Variants in DDX41 observed in about 807,000 individuals in gnomAD.
DDX41 encodes the protein DEAD-box helicase 41.
Under a neutral mutation model 78.8 loss-of-function variants are expected in DDX41, and 50 were observed. That is an observed-to-expected ratio of 0.63 (90% CI 0.51 to 0.80). DDX41 has a LOEUF of 0.80. DDX41 is among the 30% of genes least tolerant of loss of function. DDX41 has a pLI of 0.00. For missense variants in DDX41, 633 were observed against 849.2 expected, an observed-to-expected ratio of 0.75 and a Z score of 3.16; for synonymous variants, 381 against 321.5, an observed-to-expected ratio of 1.19 and a Z score of -1.98.
Position 177,515,190 on chromosome 5 carries a change from T to C in DDX41, c.640A>G (p.Thr214Ala), listed in dbSNP as rs1466709476. The C allele has an allele frequency of 1.9e-6, 3 of 1,613,838 alleles. No homozygotes were observed. Among genetic ancestry groups the C allele is most frequent in the Non-Finnish European group, 2.5e-6 (3 of 1,180,030 alleles). Residue 214 changes from threonine (T) to alanine (A), a missense_variant, in exon 7 of 17, where the codon ACC becomes GCC. Coordinates refer to ENST00000330503, the MANE Select transcript of DDX41 (RefSeq NM_016222.4). ...AGGTCCACAGTCCACACTCACATGG[T>C]GGGGATGCCCTGGATCTGAATGGGT... ...PTPIQIQGIP[T>A]ILSGRDMIGI...
Position 177,511,596 on chromosome 5 carries a change from T to C in DDX41, c.*195A>G. On this transcript the variant is annotated 3_prime_UTR_variant, in exon 17 of 17. Coordinates refer to ENST00000330503, the MANE Select transcript of DDX41 (RefSeq NM_016222.4). The stretch of plus-strand genomic sequence containing the variant: ...CAGGGCTGGGCTAGAGGTTTGGGCT[T>C]TAATGGCAGCTGGGGTAAAAGGAAA... The C allele has an allele frequency of 1.3e-6, 1 of 744,284 alleles. No individual in the cohort carries two copies. 46.1% of individuals were successfully genotyped at this position (744,284 alleles called of 1,614,324 possible).
In DDX41 at chr5:177,514,298, C is replaced by T. The variant is rs868162104; in HGVS notation, c.935+403G>A. 5.4e-5 allele frequency: 26 copies of T among 485,664 alleles called. 2 individuals are homozygous for T. The Middle Eastern group carries it at 6.2e-3, about 115-fold the overall frequency. The allele number at this position is 485,664 out of a possible 1,614,324, so 30.1% of individuals were successfully genotyped here. A position where few individuals can be genotyped will look rare whatever the true frequency, so the allele number is the denominator to read the frequency against. ...AGAGGACTGCACAGCACTGAAAGGACACAGGTGCCGCTGGGATCCAGCCCT... is the reference window on the plus strand; with the variant it reads ...AGAGGACTGCACAGCACTGAAAGGATACAGGTGCCGCTGGGATCCAGCCCT... On this transcript the variant is annotated intron_variant, in intron 9 of 16. Transcript: ENST00000330503. The surrounding 1 kb of genome is among the most constrained non-coding windows in gnomAD (Gnocchi z 4.2).
chr5:177,515,862 G>C, intron 5 of DDX41, 41 bp from the exon 6 acceptor site: 1 of 1,614,136 alleles, frequency 6.2e-7, no homozygotes, highest in East Asian at 2.2e-5. Context: ...CCTGGGAATA[G>C]CTGGCCTGGG....
Position 177,511,808 on chromosome 5 carries a change from T to C in DDX41, c.1852A>G (p.Ser618Gly), listed in dbSNP as rs1760957871. The change falls in exon 17 of 17, where the codon AGC (serine) becomes GGC (glycine). Residue 618 changes from serine (S) to glycine (G), a missense_variant. By Grantham distance (56) the Ser-to-Gly change is moderately conservative (BLOSUM62 0). Coordinates refer to ENST00000330503, the MANE Select transcript of DDX41 (RefSeq NM_016222.4). ...NIGRKDYLAHSSMDF is the reference protein window; with the variant it reads ...NIGRKDYLAHGSMDF ...CTGTCGGCTCAGAAGTCCATGGAGC[T>C]GTGGGCCAGGTAGTCCTTGCGACCG... is the stretch of plus-strand genomic sequence containing the variant. 3 of 1,614,062 alleles carry C rather than the reference T, an allele frequency of 1.9e-6. No homozygotes were observed. Among genetic ancestry groups the C allele is most frequent in the African/African-American group, 2.7e-5 (2 of 74,928 alleles).
At chr5:177,515,887 T>C in intron 5 of DDX41, 42 bp downstream of exon 5, 1 of 1,614,126 alleles carries the variant, frequency 6.2e-7, no homozygotes, top group African/African-American at 1.3e-5. Context: ...TCCCTGCATG[T>C]ACCATCCTAA....
Position 177,516,752 on chromosome 5 carries a change from C to A in DDX41, c.111G>T (p.Val37=). Residue 37 remains valine, a synonymous_variant, in exon 2 of 17, where the codon GTG becomes GTT. Coordinates refer to ENST00000330503, the MANE Select transcript of DDX41 (RefSeq NM_016222.4). ...DEDDEDYVPY[V]PLRQRRQLLL... ...GTAGCTGCCGGCGCTGCCGTAACGG[C>A]ACATAGGGCACGTAGTCCTCGTCGT... 1 of 1,610,378 alleles carries A rather than the reference C, an allele frequency of 6.2e-7. No individual in the cohort carries two copies. The highest frequency in any genetic ancestry group is 8.5e-7 in the Non-Finnish European group (1 of 1,178,798).
Position 177,512,103 on chromosome 5 carries a change from G to C in DDX41, c.1725C>G (p.Asp575Glu), listed in dbSNP as rs367918756. The C allele has an allele frequency of 1.9e-6, 3 of 1,613,000 alleles. No homozygotes were observed. The highest frequency in any genetic ancestry group is 2.5e-6 in the Non-Finnish European group (3 of 1,180,030). Reference sequence around the variant, plus strand: ...ATCCCGCTCTGCAGTCACCTCCAATGTCCAGCATGGACTCATCCCCGCAAT... The same window carrying C: ...ATCCCGCTCTGCAGTCACCTCCAATCTCCAGCATGGACTCATCCCCGCAAT... ...VLHCGDESML[D>E]IGGERGCAFC... is the part of the protein sequence containing the mutation. The change falls in exon 16 of 17, where the codon GAC (aspartate) becomes GAG (glutamate). Residue 575 changes from aspartate (D) to glutamate (E), a missense_variant. By Grantham distance (45) the Asp-to-Glu change is conservative. Transcript: ENST00000330503.
chr5:177,516,955 C>G lies in DDX41; in HGVS notation c.-10G>C, dbSNP rs368790564. 6.2e-7 allele frequency: 1 copy of G among 1,608,638 alleles called. No homozygotes were observed. The stretch of plus-strand genomic sequence containing the variant: ...GTTCCGACTCCTCCATTCTTTGCTG[C>G]ACGCATGCGCGCCACGGCGAAACCC... On this transcript the variant is annotated 5_prime_UTR_variant, in exon 1 of 17. Transcript: ENST00000330503.
rs200122668 is a variant in DDX41, at chr5:177,514,815, T to G, written c.821A>C (p.His274Pro). The change falls in exon 9 of 17, where the codon CAT becomes CCT. Residue 274 changes from histidine to proline, a missense_variant. Physicochemically the swap from His to Pro is moderately conservative, Grantham distance 77. Coordinates refer to ENST00000330503, the MANE Select transcript of DDX41 (RefSeq NM_016222.4). This position sits in a 1 kb window ranked among gnomAD's most constrained non-coding sequence, Gnocchi z 4.2. ...GCGGCAGTAGTACTCCAGGATGCCA[T>G]GGGTCTGCCGGGCCAGCTCCCGCTG... is the stretch of plus-strand genomic sequence containing the variant. ...CPSRELARQT[H>P]GILEYYCRLL... The G allele has an allele frequency of 6.2e-7, 1 of 1,612,354 alleles. No homozygotes were observed. Among genetic ancestry groups the G allele is most frequent in the South Asian group, 1.1e-5 (1 of 91,064 alleles).
At chr5:177,515,848 G>A in intron 5 of DDX41, 27 bp from the exon 6 acceptor site, 1 of 1,614,172 alleles carries the variant, frequency 6.2e-7, no homozygotes, top group Non-Finnish European at 8.5e-7. Flanking sequence ...GGGATCAAGA[G>A]AGCCCTGGGA....
intron 2 of DDX41, 79 bp downstream of exon 2, chr5:177,516,646 C>T: frequency 6.8e-7 from 1 of 1,468,406 alleles, no homozygotes; most frequent in Admixed American, 2.0e-5. Context: ...GCCCTCCTCC[C>T]CACGGAGGCC....
chr5:177,514,722 T>C lies in DDX41; in HGVS notation c.914A>G (p.Glu305Gly). 1 of 1,612,278 alleles carries C rather than the reference T, an allele frequency of 6.2e-7. No homozygotes were observed. Among genetic ancestry groups the C allele is most frequent in the Non-Finnish European group, 8.5e-7 (1 of 1,179,548 alleles). ...ALCIGGMSVKEQMETIRHGVH... is the reference protein window; with the variant it reads ...ALCIGGMSVKGQMETIRHGVH... Reference sequence around the variant, plus strand: ...TCACTGTCGGATGGTCTCCATCTGCTCTTTCACGGACATGCCCCCAATGCA... The same window carrying C: ...TCACTGTCGGATGGTCTCCATCTGCCCTTTCACGGACATGCCCCCAATGCA... The change falls in exon 9 of 17, where the codon GAG (glutamate) becomes GGG (glycine). Residue 305 changes from glutamate to glycine, a missense_variant. This residue lies in a region of DDX41 where 151 missense variants were observed against 169.2 expected (regional missense o/e 0.89). Coordinates refer to ENST00000330503, the MANE Select transcript of DDX41 (RefSeq NM_016222.4). The surrounding 1 kb of genome is among the most constrained non-coding windows in gnomAD (Gnocchi z 4.2).
chr5:177,512,049 CT>C (rs757788292), intron 16 of DDX41, 46 bp downstream of exon 16: 1 of 1,608,990 alleles, frequency 6.2e-7, no homozygotes, highest in Non-Finnish European at 8.5e-7. Flanking sequence ...AGCACCCCTC[CT>C]TGCCACCTGC....
rs544970212 is a variant in DDX41 at position 177,516,065 on chromosome 5, G to A, written c.373+54C>T. 24 of 1,613,800 alleles carry A rather than the reference G, an allele frequency of 1.5e-5. No individual in the cohort carries two copies. In the South Asian group the frequency reaches 2.2e-4, roughly 15 times the overall value. On this transcript the variant is annotated intron_variant, in intron 4 of 16. Coordinates refer to ENST00000330503, the MANE Select transcript of DDX41 (RefSeq NM_016222.4). ...ATCCCTTGAGATATAACATGCCTGG[G>A]GCTGGGAGGAGAAGACTCAGTCCAC...
Position 177,513,173 on chromosome 5 carries a change from C to G in DDX41, c.1231-91G>C. 6.5e-7 allele frequency: 1 copy of G among 1,533,720 alleles called. No homozygotes were observed. Among genetic ancestry groups the G allele is most frequent in the East Asian group, 2.3e-5 (1 of 44,344 alleles). On this transcript the variant is annotated intron_variant, in intron 11 of 16. Transcript: ENST00000330503. The surrounding 1 kb of genome is among the most constrained non-coding windows in gnomAD (Gnocchi z 4.6). Reference sequence around the variant, plus strand: ...GCCCGTCATCTGGACCAGGAGGTGACCAGAAGCCTCTGGCCGCCAAGGGCT... The same window carrying G: ...GCCCGTCATCTGGACCAGGAGGTGAGCAGAAGCCTCTGGCCGCCAAGGGCT...
Position 177,514,155 on chromosome 5 carries a change from C to T in DDX41, c.936-308G>A. 3.5e-6 allele frequency: 2 copies of T among 572,014 alleles called. No homozygotes were observed. Among genetic ancestry groups the T allele is most frequent in the Non-Finnish European group, 6.6e-6 (2 of 302,112 alleles). The allele number at this position is 572,014 out of a possible 1,614,324, so 35.4% of individuals were successfully genotyped here. On this transcript the variant is annotated intron_variant, in intron 9 of 16. Coordinates refer to ENST00000330503, the MANE Select transcript of DDX41 (RefSeq NM_016222.4). The surrounding 1 kb of genome is among the most constrained non-coding windows in gnomAD (Gnocchi z 4.2). ...GCTCGCTTTCCTGGCCCACTGGCTT[C>T]ACCTTTTCTGTGCTCACCATCTCCC...
rs749071059 is a variant in DDX41, at chr5:177,513,636, C to T, written c.1098+49G>A. On this transcript the variant is annotated intron_variant, in intron 10 of 16. Coordinates refer to ENST00000330503, the MANE Select transcript of DDX41 (RefSeq NM_016222.4). This position sits in a 1 kb window ranked among gnomAD's most constrained non-coding sequence, Gnocchi z 4.6. The stretch of plus-strand genomic sequence containing the variant: ...ATGGGGTCCCTGCAGTCTGATGTGG[C>T]GTGCAGTGGGGGGCGGTGCAGGGTG... The T allele has an allele frequency of 2.0e-5, 32 of 1,606,876 alleles. No homozygotes were observed. Among genetic ancestry groups the T allele is most frequent in the East Asian group, 1.3e-4 (6 of 44,816 alleles).
intron 6 of DDX41, 131 bp from the exon 7 acceptor site, chr5:177,515,389 TG>T: frequency 2.1e-6 from 2 of 933,064 alleles, no homozygotes; most frequent in Admixed American, 2.3e-5. Flanking sequence ...AGAGAGAGAG[TG>T]GAAAAAAAAA....
chr5:177,515,079 G>A lies in DDX41; in HGVS notation c.645-10C>T, dbSNP rs780120166. 4 of 1,611,864 alleles carry A rather than the reference G, an allele frequency of 2.5e-6. No individual in the cohort carries two copies. Among genetic ancestry groups the A allele is most frequent in the African/African-American group, 1.3e-5 (1 of 74,910 alleles). On this transcript the variant is annotated splice_polypyrimidine_tract_variant and intron_variant, in intron 7 of 16. Coordinates refer to ENST00000330503, the MANE Select transcript of DDX41 (RefSeq NM_016222.4). ...GTCACGGCCAGATAGACTGTTGGGAGAGGATGACCCGAGGGCCAATTTCAA... is the reference window on the plus strand; with the variant it reads ...GTCACGGCCAGATAGACTGTTGGGAAAGGATGACCCGAGGGCCAATTTCAA...
Sources: allele counts gnomAD v4.1 joint callset, GRCh38; gene constraint gnomAD v4.1.1; regional missense constraint gnomAD v4.1.1; non-coding constraint Gnocchi (gnomAD v3.1); transcripts MANE v1.5; gene names NCBI Gene and HGNC (gene_info 2026-07-23, HGNC 2026-07-21).